Variants in ZBTB20 observed in about 807,000 individuals in gnomAD.
The protein encoded by ZBTB20 is zinc finger and BTB domain-containing protein 20.
Under a neutral mutation model 56.9 loss-of-function variants are expected in ZBTB20, and 9 were observed. That is an observed-to-expected ratio of 0.16 (90% CI 0.10 to 0.28). The LOEUF (loss-of-function observed/expected upper bound fraction) is 0.28. Among genes scored for constraint, ZBTB20 ranks in the 10% least tolerant of loss-of-function variants. The pLI is 1.00. For missense variants in ZBTB20, 655 were observed against 1,003.0 expected (o/e 0.65, Z 4.69); for synonymous variants, 417 against 420.7 (o/e 0.99, Z 0.11).
At chr3:114,879,325 G>C (rs775510757) in intron 4 of ZBTB20, among the ~76,000 whole-genome samples, 2 of 152,086 alleles carry the variant, frequency 1.3e-5, no homozygotes, top group Non-Finnish European at 2.9e-5. Flanking sequence ...TGGAGTGCTG[G>C]CATAAACCAA....
At chr3:115,095,175 T>G (rs2083335290) in intron 1 of ZBTB20, among the ~76,000 whole-genome samples, 1 of 152,134 alleles carries the variant, frequency 6.6e-6, no homozygotes, top group African/African-American at 2.4e-5. Flanking sequence ...AAGGTAAGAC[T>G]GAATATTCAG....
At chr3:114,367,393 A>G (rs1576396884) in intron 10 of ZBTB20, among the ~76,000 whole-genome samples, 1 of 152,152 alleles carries the variant, frequency 6.6e-6, no homozygotes, top group Admixed American at 6.5e-5. Context: ...CAAATTCCCA[A>G]GTAGCTGGAC....
chr3:114,994,653 G>A (rs73857881), intron 2 of ZBTB20, among the ~76,000 whole-genome samples: 6,528 of 151,686 alleles, frequency 0.043, 475 homozygotes, highest in African/African-American at 0.15. Context: ...ATTATTATTG[G>A]GATGTGTGTG....
chr3:114,736,816 A>G (rs2066198134), intron 5 of ZBTB20, among the ~76,000 whole-genome samples: 1 of 152,188 alleles, frequency 6.6e-6, no homozygotes, highest in Non-Finnish European at 1.5e-5. Context: ...GGGAAACCCA[A>G]GCTTTATGAA....
At chr3:114,863,202 T>C (rs901675471) in intron 4 of ZBTB20, among the ~76,000 whole-genome samples, 2 of 152,104 alleles carry the variant, frequency 1.3e-5, no homozygotes, top group African/African-American at 4.8e-5. Context: ...ACAACATATA[T>C]CCATAAAGTG....
At chr3:114,570,314 A>C (rs1051488803) in intron 6 of ZBTB20, among the ~76,000 whole-genome samples, 5 of 151,854 alleles carry the variant, frequency 3.3e-5, no homozygotes, top group Admixed American at 3.3e-4. Flanking sequence ...AAAAATAATA[A>C]CTGCCACTTA....
chr3:114,730,124 G>A (rs2065625676), intron 5 of ZBTB20, among the ~76,000 whole-genome samples: 1 of 151,898 alleles, frequency 6.6e-6, no homozygotes, highest in South Asian at 2.1e-4. Flanking sequence ...TATAATGACA[G>A]AATATCAGTG....
chr3:114,625,947 A>G (rs2058638067), intron 6 of ZBTB20, among the ~76,000 whole-genome samples: 1 of 152,194 alleles, frequency 6.6e-6, no homozygotes, highest in African/African-American at 2.4e-5. Flanking sequence ...GACTTAGAGA[A>G]ACCATATCTA....
chr3:114,525,118 G>A (rs979119507), intron 6 of ZBTB20, among the ~76,000 whole-genome samples: 16 of 151,916 alleles, frequency 1.1e-4, no homozygotes, highest in African/African-American at 3.9e-4. Flanking sequence ...GGCACTAATC[G>A]CTCTCTAAAC....
chr3:114,800,640 T>C (rs1420525050), intron 5 of ZBTB20, among the ~76,000 whole-genome samples: 5 of 151,866 alleles, frequency 3.3e-5, no homozygotes, highest in Admixed American at 3.3e-4. Context: ...TGAACTTTCT[T>C]TCTCTCCATT....
chr3:114,910,101 T>G (rs1186668310), intron 3 of ZBTB20, among the ~76,000 whole-genome samples: 1 of 151,882 alleles, frequency 6.6e-6, no homozygotes, highest in Admixed American at 6.6e-5. Flanking sequence ...ATTTGGACAT[T>G]TAAGTGATTA....
chr3:114,623,504 A>G (rs1214376426), intron 6 of ZBTB20, among the ~76,000 whole-genome samples: 2 of 152,188 alleles, frequency 1.3e-5, no homozygotes, highest in Non-Finnish European at 2.9e-5. Flanking sequence ...ATGCAGAAGA[A>G]TAAAGAAGAG....
intron 7 of ZBTB20, among the ~76,000 whole-genome samples, chr3:114,459,487 A>G (rs1445992452): frequency 5.3e-5 from 8 of 152,164 alleles, no homozygotes; most frequent in Non-Finnish European, 1.2e-4. Flanking sequence ...TTAGTTACTC[A>G]TTCCTTAAGA....
In ZBTB20 at chr3:114,495,671, T is replaced by C. The variant is rs151048975; in HGVS notation, c.-255+4681A>G. 1.2e-3 allele frequency among the ~76,000 whole-genome samples: 182 copies of C among 152,246 alleles called. 2 individuals are homozygous for C. In the East Asian group the frequency reaches 0.022, roughly 18 times the overall value. On this transcript the variant is annotated intron_variant, in intron 7 of 11. Coordinates refer to ENST00000675478, the MANE Select transcript of ZBTB20 (RefSeq NM_001348800.3). Reference sequence around the variant, plus strand: ...ATAGTCGATTGGTGTTCAGAGTGTTTTGATTCTCTGAATGAGTCAAAAGAT... The same window carrying C: ...ATAGTCGATTGGTGTTCAGAGTGTTCTGATTCTCTGAATGAGTCAAAAGAT...
intron 7 of ZBTB20, among the ~76,000 whole-genome samples, chr3:114,478,929 C>T (rs975622376): frequency 2.6e-5 from 4 of 152,122 alleles, no homozygotes; most frequent in South Asian, 2.1e-4. Flanking sequence ...TGCTGCAATT[C>T]CTCTGCCTCA....
intron 3 of ZBTB20, among the ~76,000 whole-genome samples, chr3:114,963,112 T>A (rs140271105): frequency 0.014 from 2,114 of 152,166 alleles, 39 homozygotes; most frequent in South Asian, 0.075. Context: ...AGTCTCTCAA[T>A]CCCTCCTATG....
intron 4 of ZBTB20, among the ~76,000 whole-genome samples, chr3:114,892,619 T>C (rs1576247929): frequency 1.3e-5 from 2 of 150,358 alleles, no homozygotes; most frequent in East Asian, 2.0e-4. Context: ...CCAAGACCAA[T>C]GCTGGTTTTG....
In ZBTB20 at chr3:114,314,709, G is replaced by A. The variant is rs917136223; in HGVS notation, c.*24296C>T. ...CAGAAACCTTGTAAAATTTATTTTCGTATTTTTAAGGCGTAATACTTCCGT... is the reference window on the plus strand; with the variant it reads ...CAGAAACCTTGTAAAATTTATTTTCATATTTTTAAGGCGTAATACTTCCGT... On this transcript the variant is annotated 3_prime_UTR_variant, in exon 12 of 12. Coordinates refer to ENST00000675478, the MANE Select transcript of ZBTB20 (RefSeq NM_001348800.3). The A allele has an allele frequency of 3.3e-5, 5 of 151,432 alleles. No homozygotes were observed. Among genetic ancestry groups the A allele is most frequent in the South Asian group, 2.1e-4 (1 of 4,816 alleles). 9.4% of individuals were successfully genotyped at this position (151,432 alleles called of 1,614,324 possible). A position where few individuals can be genotyped will look rare whatever the true frequency, so the allele number is the denominator to read the frequency against.
intron 6 of ZBTB20, among the ~76,000 whole-genome samples, chr3:114,590,424 C>G (rs1185744174): frequency 6.6e-6 from 1 of 150,730 alleles, no homozygotes; most frequent in African/African-American, 2.4e-5. Context: ...TGCACTCCAG[C>G]CTGCAGCCTG....
Sources: gnomAD v4.1 joint callset for allele counts (sites outside exome capture counted in the v4.1 genomes callset) on GRCh38, gnomAD v4.1.1 for gene constraint, MANE v1.5 for transcripts, NCBI Gene and HGNC (gene_info 2026-07-23, HGNC 2026-07-21) for gene names.